Variants in LRBA observed in about 807,000 individuals in gnomAD.
LRBA encodes LPS responsive beige-like anchor protein, also known as lipopolysaccharide-responsive and beige-like anchor protein.
A neutral mutation model predicts 330.0 loss-of-function variants in LRBA; 176 were observed. The observed-to-expected ratio is 0.53, with a 90% CI of 0.47 to 0.60. LRBA has a LOEUF of 0.60. Among genes scored for constraint, LRBA ranks in the 20% least tolerant of loss-of-function variants. The pLI is 0.00. For missense variants in LRBA, 3,259 were observed against 3,444.8 expected, an observed-to-expected ratio of 0.95 and a Z score of 1.35; for synonymous variants, 1,230 against 1,193.0, an observed-to-expected ratio of 1.03 and a Z score of -0.64.
intron 53 of LRBA, among the ~76,000 whole-genome samples, chr4:150,288,400 G>C (rs967529608): frequency 6.6e-6 from 1 of 152,092 alleles, no homozygotes; most frequent in African/African-American, 2.4e-5. Context: ...CTGAGGTTAC[G>C]AGTTAGAGAC....
chr4:150,598,869 T>C, intron 38 of LRBA, 138 bp downstream of exon 38: 1 of 953,668 alleles, frequency 1.0e-6, no homozygotes, highest in Non-Finnish European at 1.5e-6. Context: ...TAAAAAAATT[T>C]AACTTCTCTT....
chr4:150,334,457 A>C (rs1734366874), intron 48 of LRBA, among the ~76,000 whole-genome samples: 1 of 152,160 alleles, frequency 6.6e-6, no homozygotes, highest in Non-Finnish European at 1.5e-5. Flanking sequence ...CAGATATCTA[A>C]GAATTTAGAT....
At chr4:150,674,378 TAGCA>T (rs1408829311) in intron 37 of LRBA, among the ~76,000 whole-genome samples, 1 of 151,120 alleles carries the variant, frequency 6.6e-6, no homozygotes, top group African/African-American at 2.4e-5. Flanking sequence ...ACAGTTGAAG[TAGCA>T]AACAGTAAAG....
intron 30 of LRBA, among the ~76,000 whole-genome samples, chr4:150,818,532 C>CTGTG (rs74479974): frequency 0.041 from 5,981 of 145,752 alleles, 154 homozygotes; most frequent in Middle Eastern, 0.074. Context: ...TGACGAATGT[C>CTGTG]TGTGTGTGTG....
chr4:150,852,516 AAAG>A lies in LRBA; in HGVS notation c.3191_3193del (p.Ser1064del). The A allele has an allele frequency of 6.2e-7, 1 of 1,613,834 alleles. No individual in the cohort carries two copies. Among genetic ancestry groups the A allele is most frequent in the Non-Finnish European group, 8.5e-7 (1 of 1,179,972 alleles). On this transcript the variant is annotated inframe_deletion, in exon 23 of 57. Transcript: ENST00000651943. Reference sequence around the variant, plus strand: ...CATTGAATCTTTGCCAGTTGTTATAAAAGAATTAGAGGAAATAGCCACAGCTTC... The same window carrying A: ...CATTGAATCTTTGCCAGTTGTTATAAAATTAGAGGAAATAGCCACAGCTTC...
intron 35 of LRBA, among the ~76,000 whole-genome samples, chr4:150,738,557 T>G (rs1331721672): frequency 1.3e-5 from 2 of 152,036 alleles, no homozygotes; most frequent in Non-Finnish European, 2.9e-5. Flanking sequence ...ATGACAAACG[T>G]GGGTAAATCT....
At chr4:150,614,763 T>C (rs1157103585) in intron 37 of LRBA, among the ~76,000 whole-genome samples, 1 of 152,158 alleles carries the variant, frequency 6.6e-6, no homozygotes, top group African/African-American at 2.4e-5. Context: ...AGAAAGGACA[T>C]ACATGTAATC....
At chr4:150,698,021 A>T (rs1268092274) in intron 36 of LRBA, among the ~76,000 whole-genome samples, 1 of 152,156 alleles carries the variant, frequency 6.6e-6, no homozygotes, top group Non-Finnish European at 1.5e-5. Context: ...ATTTTTATCA[A>T]CTCAAGTATT....
At chr4:150,435,404 C>G (rs1181872743) in intron 46 of LRBA, among the ~76,000 whole-genome samples, 185 bp downstream of exon 46, 1 of 151,750 alleles carries the variant, frequency 6.6e-6, no homozygotes, top group African/African-American at 2.4e-5. Context: ...CAAAAACTCC[C>G]AGGGAAAGAC....
intron 42 of LRBA, among the ~76,000 whole-genome samples, chr4:150,476,781 A>G (rs1756758671): frequency 6.6e-6 from 1 of 152,156 alleles, no homozygotes; most frequent in East Asian, 1.9e-4. Flanking sequence ...GGCTGACTCA[A>G]TATATTTTTG....
intron 37 of LRBA, among the ~76,000 whole-genome samples, chr4:150,642,847 TA>T (rs1778808061): frequency 6.6e-6 from 1 of 151,722 alleles, no homozygotes; most frequent in Non-Finnish European, 1.5e-5. Flanking sequence ...AACACACACA[TA>T]AGGAGGCAAA....
At chr4:150,710,918 G>A (rs944170234) in intron 36 of LRBA, among the ~76,000 whole-genome samples, 1 of 151,818 alleles carries the variant, frequency 6.6e-6, no homozygotes, top group Admixed American at 6.6e-5. Flanking sequence ...TATTATTCAG[G>A]CTAAGTTTAC....
chr4:150,872,401 G>T (rs2127007828), intron 18 of LRBA, among the ~76,000 whole-genome samples: 1 of 152,212 alleles, frequency 6.6e-6, no homozygotes, highest in Admixed American at 6.5e-5. Flanking sequence ...AGTCTCCATA[G>T]CTTCTTGAAT....
chr4:150,497,341 T>C (rs552333907), intron 40 of LRBA, among the ~76,000 whole-genome samples: 1 of 152,246 alleles, frequency 6.6e-6, no homozygotes. Flanking sequence ...AATTTAGAGG[T>C]CTTTTTTGAA....
intron 48 of LRBA, among the ~76,000 whole-genome samples, chr4:150,343,040 C>A (rs868459488): frequency 1.7e-5 from 2 of 121,054 alleles, no homozygotes; most frequent in Non-Finnish European, 3.3e-5. Context: ...AAAAGAGAGG[C>A]GTGGCCTGGA....
Position 150,812,585 on chromosome 4 carries a change from C to T in LRBA, c.5306-4187G>A, listed in dbSNP as rs1743904388. On this transcript the variant is annotated intron_variant, in intron 31 of 56. Transcript: ENST00000651943. ...ACATGCCCAGTAAAAACTAATTAAA[C>T]AAATCCTATTGAATGAATAAAAATA... Among the ~76,000 whole-genome samples the T allele has an allele frequency of 2.6e-5, 4 of 152,050 alleles. 1 individual carries two copies. In the South Asian group the frequency reaches 8.3e-4, roughly 31 times the overall value.
chr4:150,525,244 T>C (rs760721017), intron 40 of LRBA, among the ~76,000 whole-genome samples: 13 of 152,244 alleles, frequency 8.5e-5, no homozygotes, highest in Non-Finnish European at 1.8e-4. Flanking sequence ...TATTATTTTA[T>C]GCTGTTCCTA....
chr4:150,372,491 G>T (rs1395620831), intron 47 of LRBA, among the ~76,000 whole-genome samples: 1 of 144,578 alleles, frequency 6.9e-6, no homozygotes, highest in Non-Finnish European at 1.5e-5. Context: ...GTTCCAGCTA[G>T]TAGGGAGGCT....
chr4:150,773,411 G>T (rs1736845449), intron 34 of LRBA, among the ~76,000 whole-genome samples: 1 of 152,238 alleles, frequency 6.6e-6, no homozygotes, highest in South Asian at 2.1e-4. Context: ...GCCAGGGAAT[G>T]TGTCAATTTG....
Sources: gnomAD v4.1 joint callset for allele counts (sites outside exome capture counted in the v4.1 genomes callset) on GRCh38, gnomAD v4.1.1 for gene constraint, MANE v1.5 for transcripts, NCBI Gene and HGNC (gene_info 2026-07-23, HGNC 2026-07-21) for gene names.